The following CDH4 variants were observed in gnomAD, a reference collection of about 807,000 sequenced individuals.
CDH4 encodes cadherin 4.
CDH4 carries 33 observed loss-of-function variants against 86.0 expected under a neutral mutation model. The ratio of observed to expected loss-of-function variants is 0.38; its 90% CI spans 0.29 to 0.51. The LOEUF is 0.51. Ranked by LOEUF, CDH4 falls within the 20% of genes least tolerant of loss-of-function variation. CDH4 has a pLI of 0.86. For synonymous variants in CDH4, 555 were observed against 549.4 expected (o/e 1.01, Z -0.14); for missense variants, 1,114 against 1,307.4 (o/e 0.85, Z 2.28).
chr20:61,448,765 C>G (rs888549493), intron 2 of CDH4, among the ~76,000 whole-genome samples: 2 of 152,128 alleles, frequency 1.3e-5, no homozygotes, highest in African/African-American at 4.8e-5. Context: ...AATGAATATA[C>G]AGATAGGCAC....
At chr20:61,844,884 C>T in intron 5 of CDH4, 61 bp downstream of exon 5, 1 of 1,527,298 alleles carries the variant, frequency 6.5e-7, no homozygotes, top group Non-Finnish European at 8.9e-7. Context: ...CCCTACCAGG[C>T]CTTGGCAGGT....
intron 2 of CDH4, among the ~76,000 whole-genome samples, chr20:61,533,428 G>C (rs889148174): frequency 1.3e-5 from 2 of 152,246 alleles, no homozygotes; most frequent in African/African-American, 4.8e-5. Flanking sequence ...TGCAGAGGCA[G>C]CTAGAGCTGT....
rs35793661 is a variant in CDH4 at position 61,691,443 on chromosome 20, CTGTG to C, written c.170-52116_170-52113del. 1.4e-3 allele frequency among the ~76,000 whole-genome samples: 218 copies of C among 151,398 alleles called. 1 individual carries two copies. The highest frequency in any genetic ancestry group is 3.4e-3 in the Middle Eastern group (1 of 292). ...TGTGTGTGTGCGTGTGCATGTGTGT[CTGTG>C]TGTATGTGTGTGCATGTGTAGTGTG... is the stretch of plus-strand genomic sequence containing the variant. On this transcript the variant is annotated intron_variant, in intron 2 of 15. Coordinates refer to ENST00000614565, the MANE Select transcript of CDH4 (RefSeq NM_001794.5).
At position 61,346,898 on chromosome 20, in the gene CDH4, C is replaced by G. The variant is rs533543386; in HGVS notation, c.169+91961C>G. Reference sequence around the variant, plus strand: ...ATCATATTGACTCCACGTACGGGTGCCCCCCATCTGTCCCTCATCCCCATC... The same window carrying G: ...ATCATATTGACTCCACGTACGGGTGGCCCCCATCTGTCCCTCATCCCCATC... On this transcript the variant is annotated intron_variant, in intron 2 of 15. Transcript: ENST00000614565. 1.7e-4 allele frequency among the ~76,000 whole-genome samples: 26 copies of G among 152,160 alleles called. No homozygotes were observed. The South Asian group carries it at 5.2e-3, about 30-fold the overall frequency.
intron 2 of CDH4, among the ~76,000 whole-genome samples, chr20:61,621,996 C>T (rs748930): frequency 0.17 from 25,520 of 152,168 alleles, 2,295 homozygotes; most frequent in South Asian, 0.33. Flanking sequence ...TCTGCAGGTC[C>T]CAGCAGCCGG....
intron 2 of CDH4, among the ~76,000 whole-genome samples, chr20:61,405,075 C>T (rs6089497): frequency 0.049 from 7,385 of 152,132 alleles, 248 homozygotes; most frequent in South Asian, 0.088. Context: ...CTTATTTCTA[C>T]TGGGGTTATC....
intron 5 of CDH4, among the ~76,000 whole-genome samples, chr20:61,847,700 C>T (rs1012471962): frequency 5.9e-5 from 9 of 152,110 alleles, no homozygotes; most frequent in South Asian, 2.1e-4. Context: ...AGTATAGCGC[C>T]GGCATCTCCT....
intron 2 of CDH4, among the ~76,000 whole-genome samples, chr20:61,605,055 G>A (rs1031555810): frequency 1.3e-5 from 2 of 152,162 alleles, no homozygotes; most frequent in African/African-American, 2.4e-5. Flanking sequence ...GCCTCTCGTG[G>A]TGCCTGTTTT....
In CDH4 at chr20:61,702,050, T is replaced by C. The variant is rs142224405; in HGVS notation, c.170-41513T>C. On this transcript the variant is annotated intron_variant, in intron 2 of 15. Transcript: ENST00000614565. ...TTGATAAAGCCCCTCTTCACCGAAG[T>C]GCAGTCAAGTCTGCAAGACAGAAAT... Among the ~76,000 whole-genome samples, 157 of 152,280 alleles carry C rather than the reference T, an allele frequency of 1.0e-3. 4 individuals carry two copies. In the South Asian group the frequency reaches 0.021, roughly 20 times the overall value.
intron 2 of CDH4, among the ~76,000 whole-genome samples, chr20:61,596,522 C>A (rs960061307): frequency 6.6e-6 from 1 of 152,190 alleles, no homozygotes; most frequent in Non-Finnish European, 1.5e-5. Context: ...TGGTGCTCAT[C>A]CTGGTCCCCA....
intron 5 of CDH4, among the ~76,000 whole-genome samples, chr20:61,845,154 G>A (rs541186081): frequency 2.0e-5 from 3 of 152,362 alleles, no homozygotes; most frequent in African/African-American, 7.2e-5. Context: ...GGATGGCTCT[G>A]CGGGGCTGGG....
At chr20:61,675,810 G>A (rs1217361067) in intron 2 of CDH4, among the ~76,000 whole-genome samples, 1 of 151,046 alleles carries the variant, frequency 6.6e-6, no homozygotes, top group Non-Finnish European at 1.5e-5. Flanking sequence ...GCACTCCCGT[G>A]GAAACAACCA....
intron 4 of CDH4, among the ~76,000 whole-genome samples, chr20:61,800,036 C>T (rs1055055038): frequency 9.2e-5 from 14 of 152,252 alleles, no homozygotes; most frequent in African/African-American, 3.4e-4. Context: ...AGTCACCGGG[C>T]CGGCTTCCCC....
intron 2 of CDH4, among the ~76,000 whole-genome samples, chr20:61,294,733 G>A (rs1232077120): frequency 3.3e-5 from 5 of 152,238 alleles, no homozygotes. Flanking sequence ...GGGCCGCCCT[G>A]GGGAAAGCTG....
chr20:61,424,184 C>T (rs1297351062), intron 2 of CDH4, among the ~76,000 whole-genome samples: 2 of 151,232 alleles, frequency 1.3e-5, no homozygotes, highest in African/African-American at 4.9e-5. Context: ...CCACACATAG[C>T]ACACATGTAT....
At chr20:61,469,268 GAT>G (rs2085489360) in intron 2 of CDH4, among the ~76,000 whole-genome samples, 1 of 152,190 alleles carries the variant, frequency 6.6e-6, no homozygotes, top group South Asian at 2.1e-4. Context: ...GGGATGAAAT[GAT>G]ATCTCATTGT....
At chr20:61,374,241 G>A (rs949322162) in intron 2 of CDH4, among the ~76,000 whole-genome samples, 3 of 152,216 alleles carry the variant, frequency 2.0e-5, no homozygotes, top group African/African-American at 4.8e-5. Context: ...GCAGCGTGAC[G>A]TGGAGGAGAT....
chr20:61,330,076 C>A (rs1367420855), intron 2 of CDH4, among the ~76,000 whole-genome samples: 1 of 152,110 alleles, frequency 6.6e-6, no homozygotes, highest in Non-Finnish European at 1.5e-5. Context: ...TTTTCTTTAT[C>A]CAGTCTATCA....
At chr20:61,737,233 G>T (rs1291597219) in intron 2 of CDH4, among the ~76,000 whole-genome samples, 1 of 152,162 alleles carries the variant, frequency 6.6e-6, no homozygotes, top group Non-Finnish European at 1.5e-5. Context: ...CTGTTCTCTG[G>T]TGTCTTCTCA....
Sources: allele counts gnomAD v4.1 joint callset (sites outside exome capture counted in the v4.1 genomes callset), GRCh38; gene constraint gnomAD v4.1.1; transcripts MANE v1.5; gene names NCBI Gene and HGNC (gene_info 2026-07-23, HGNC 2026-07-21).